PSMB7: variants seen among roughly 807,000 people sequenced by gnomAD.
PSMB7 encodes the protein proteasome 20S subunit beta 7, also known as proteasome subunit beta type-7.
PSMB7 carries 5 observed loss-of-function variants against 28.1 expected under a neutral mutation model. The observed-to-expected ratio is 0.18, with a 90% CI of 0.09 to 0.37. The LOEUF (loss-of-function observed/expected upper bound fraction) is 0.37, where lower values mean the gene tolerates loss of function less well. Ranked by LOEUF, PSMB7 falls within the 10% of genes least tolerant of loss-of-function variation. PSMB7 has a pLI of 1.00. For missense variants in PSMB7, 275 were observed against 346.2 expected (o/e 0.79, Z 1.63); for synonymous variants, 122 against 123.7 (o/e 0.99, Z 0.09).
rs1831036703 is a variant in PSMB7, at chr9:124,412,376, C to T, written c.371G>A (p.Arg124Gln). The T allele has an allele frequency of 3.7e-6, 6 of 1,614,060 alleles. No individual in the cohort carries two copies. The highest frequency in any genetic ancestry group is 3.3e-5 in the Admixed American group (2 of 60,020). Residue 124 changes from arginine to glutamine, a missense_variant, in exon 4 of 8, where the codon CGG becomes CAG. This residue lies in a region of PSMB7 where 213 missense variants were observed against 302.4 expected (regional missense o/e 0.70). Transcript: ENST00000259457. ...GRLPRVVTAN[R>Q]MLKQMLFRYQ... ...CCTGAAAAGCATCTGCTTCAGCATC[C>T]GATTGGCTGTCACAACTCTGGGAAG...
intron 6 of PSMB7, among the ~76,000 whole-genome samples, chr9:124,380,697 G>A (rs1456047636): frequency 3.3e-5 from 5 of 152,206 alleles, no homozygotes; most frequent in Non-Finnish European, 7.3e-5. Context: ...GCCCTCGGGG[G>A]TAAAGGAAAC....
chr9:124,367,128 C>T (rs563730726), intron 6 of PSMB7, among the ~76,000 whole-genome samples: 4 of 152,162 alleles, frequency 2.6e-5, no homozygotes, highest in East Asian at 1.9e-4. Context: ...GAGATGGTGG[C>T]GGGGCAGCAG....
At chr9:124,389,645 C>G (rs1487826251) in intron 5 of PSMB7, among the ~76,000 whole-genome samples, 2 of 152,108 alleles carry the variant, frequency 1.3e-5, no homozygotes, top group African/African-American at 4.8e-5. Flanking sequence ...TTCCCTTTCA[C>G]CTGCAGGGCA....
chr9:124,408,894 TA>T (rs1265401698), intron 4 of PSMB7, among the ~76,000 whole-genome samples: 3 of 152,222 alleles, frequency 2.0e-5, no homozygotes, highest in South Asian at 4.1e-4. Context: ...TTTATAATTT[TA>T]AAAAGTTATT....
At chr9:124,365,010 AG>A in intron 6 of PSMB7, among the ~76,000 whole-genome samples, 1 of 152,218 alleles carries the variant, frequency 6.6e-6, no homozygotes, top group African/African-American at 2.4e-5. Context: ...CAGAACCAGA[AG>A]GAGATCCAAG....
At chr9:124,406,802 T>C (rs983456338) in intron 4 of PSMB7, among the ~76,000 whole-genome samples, 3 of 152,086 alleles carry the variant, frequency 2.0e-5, no homozygotes, top group African/African-American at 7.2e-5. Flanking sequence ...TGGACCCTTT[T>C]TTTCCATTTC....
chr9:124,404,997 T>G lies in PSMB7; in HGVS notation c.511+320A>C, dbSNP rs139086427. ...AGGTTGTATAACCTGTGTATATTTA[T>G]ATATATTTATAATACCTGTGTATTA... On this transcript the variant is annotated intron_variant, in intron 5 of 7. Coordinates refer to ENST00000259457, the MANE Select transcript of PSMB7 (RefSeq NM_002799.4). Among the ~76,000 whole-genome samples, 833 of 152,298 alleles carry G rather than the reference T, an allele frequency of 5.5e-3. 9 individuals are homozygous for G. Among genetic ancestry groups the G allele is most frequent in the African/African-American group, 0.019 (795 of 41,580 alleles).
At position 124,412,402 on chromosome 9, in the gene PSMB7, A is replaced by T; in HGVS notation, c.345T>A (p.Arg115=). 6.2e-7 allele frequency: 1 copy of T among 1,614,170 alleles called. No homozygotes were observed. The highest frequency in any genetic ancestry group is 8.5e-7 in the Non-Finnish European group (1 of 1,180,020). Residue 115 remains arginine (R), a synonymous_variant, in exon 4 of 8, where the codon CGT becomes CGA. Transcript: ENST00000259457. ...NLELHSLSTG[R]LPRVVTANRM... is the part of the protein sequence containing the mutation. ...GATTGGCTGTCACAACTCTGGGAAG[A>T]CGGCCAGTGGAGAGGGAGTGGAGCT...
At chr9:124,398,125 A>C (rs575112182) in intron 5 of PSMB7, among the ~76,000 whole-genome samples, 25 of 152,024 alleles carry the variant, frequency 1.6e-4, no homozygotes, top group African/African-American at 6.0e-4. Flanking sequence ...GTGAGCCAAA[A>C]TCGAGCCACT....
chr9:124,355,355 G>A (rs1830393587), intron 7 of PSMB7, among the ~76,000 whole-genome samples: 1 of 152,224 alleles, frequency 6.6e-6, no homozygotes, highest in Non-Finnish European at 1.5e-5. Flanking sequence ...GAAGTAGGAT[G>A]TGCCACTGCT....
intron 5 of PSMB7, among the ~76,000 whole-genome samples, chr9:124,393,871 CCT>C (rs975312051): frequency 2.1e-4 from 32 of 152,298 alleles, no homozygotes; most frequent in Admixed American, 5.9e-4. Context: ...GTCACCTACC[CCT>C]GTTTAGAGGA....
At chr9:124,382,095 C>T (rs10986329) in intron 6 of PSMB7, among the ~76,000 whole-genome samples, 8,694 of 148,590 alleles carry the variant, frequency 0.059, 391 homozygotes, top group Non-Finnish European at 0.088. Context: ...CCAGTCTCTA[C>T]AAGAATTGCT....
intron 4 of PSMB7, among the ~76,000 whole-genome samples, chr9:124,410,245 C>T (rs1350836085): frequency 6.6e-6 from 1 of 152,048 alleles, no homozygotes; most frequent in East Asian, 1.9e-4. Flanking sequence ...CTGCCTGCCT[C>T]GGCCCCCCAA....
intron 6 of PSMB7, among the ~76,000 whole-genome samples, chr9:124,358,144 A>G (rs1830432091): frequency 1.3e-5 from 2 of 152,214 alleles, no homozygotes; most frequent in African/African-American, 4.8e-5. Context: ...ACACCCTTGG[A>G]GAAACACGGA....
At chr9:124,361,907 T>G (rs1209465573) in intron 6 of PSMB7, among the ~76,000 whole-genome samples, 1 of 152,244 alleles carries the variant, frequency 6.6e-6, no homozygotes, top group Admixed American at 6.5e-5. Flanking sequence ...GAATTTCTCT[T>G]CTCACTTAAG....
At chr9:124,412,207 T>C (rs1394736295) in intron 4 of PSMB7, 145 bp downstream of exon 4, 2 of 863,548 alleles carry the variant, frequency 2.3e-6, no homozygotes, top group East Asian at 2.5e-5. Context: ...CCATTTAAAA[T>C]GGCTCTTTAA....
chr9:124,381,030 T>G (rs56135669), intron 6 of PSMB7, among the ~76,000 whole-genome samples: 2,368 of 152,284 alleles, frequency 0.016, 72 homozygotes, highest in African/African-American at 0.053. Context: ...CAGTATAAAA[T>G]TTATTGAGGT....
chr9:124,377,407 A>G (rs1052871806), intron 6 of PSMB7, among the ~76,000 whole-genome samples: 6 of 152,246 alleles, frequency 3.9e-5, no homozygotes, highest in Non-Finnish European at 8.8e-5. Context: ...TTTAATCAAA[A>G]TAATGCAGAT....
chr9:124,395,237 C>G (rs1830827714), intron 5 of PSMB7, among the ~76,000 whole-genome samples: 1 of 152,108 alleles, frequency 6.6e-6, no homozygotes, highest in African/African-American at 2.4e-5. Context: ...ATAATCCCAG[C>G]ACTCTGGGAA....
Sources: gnomAD v4.1 joint callset for allele counts (sites outside exome capture counted in the v4.1 genomes callset) on GRCh38, gnomAD v4.1.1 for gene constraint, gnomAD v4.1.1 regional missense constraint, MANE v1.5 for transcripts, NCBI Gene and HGNC (gene_info 2026-07-23, HGNC 2026-07-21) for gene names.